Variants in ARL6IP4 observed in about 807,000 individuals in gnomAD.
ARL6IP4 encodes ADP-ribosylation factor-like protein 6-interacting protein 4.
ARL6IP4 carries 24 observed loss-of-function variants against 28.1 expected under a neutral mutation model. That is an observed-to-expected ratio of 0.86 (90% CI 0.62 to 1.20). The LOEUF is 1.20. Among genes scored for constraint, ARL6IP4 ranks in the 50% most tolerant of loss-of-function variants. ARL6IP4 has a pLI of 0.00. For missense variants in ARL6IP4, 343 were observed against 302.4 expected, an observed-to-expected ratio of 1.13 and a Z score of -1.00; for synonymous variants, 162 against 122.3, an observed-to-expected ratio of 1.32 and a Z score of -2.14.
At chr12:122,982,123 C>T (rs1425454153) in intron 4 of ARL6IP4, 49 bp downstream of exon 4, 4 of 1,590,716 alleles carry the variant, frequency 2.5e-6, no homozygotes, top group Non-Finnish European at 2.6e-6. Flanking sequence ...GGAGTGTTGG[C>T]TGAAGATGTG....
chr12:122,982,424 G>A (rs1011784138), intron 4 of ARL6IP4, 45 bp from the exon 5 acceptor site: 4 of 1,551,054 alleles, frequency 2.6e-6, no homozygotes, highest in Non-Finnish European at 3.5e-6. Flanking sequence ...CTGGCATTAG[G>A]GGACCTGCCT....
chr12:122,981,534 G>A (rs1359435370), intron 2 of ARL6IP4, 37 bp from the exon 3 acceptor site: 1 of 1,503,760 alleles, frequency 6.6e-7, no homozygotes, highest in Non-Finnish European at 8.9e-7. Context: ...CCAGAGCAGG[G>A]GACGAAGGTT....
At chr12:122,981,414 G>C in intron 2 of ARL6IP4, 115 bp downstream of exon 2, 1 of 1,409,196 alleles carries the variant, frequency 7.1e-7, no homozygotes, top group Non-Finnish European at 9.4e-7. Flanking sequence ...GAGATGTGAG[G>C]GCCAGGCGCC....
chr12:122,982,611 C>T lies in ARL6IP4; in HGVS notation c.658-9C>T, dbSNP rs1457771646. 1 of 1,614,068 alleles carries T rather than the reference C, an allele frequency of 6.2e-7. No individual in the cohort carries two copies. The highest frequency in any genetic ancestry group is 2.2e-5 in the East Asian group (1 of 44,900). ...ATGTACCCCTCCTCCTGTGTGCTTTCTTCCCCAGCAAGCCACCCGAGGGGA... is the reference window on the plus strand; with the variant it reads ...ATGTACCCCTCCTCCTGTGTGCTTTTTTCCCCAGCAAGCCACCCGAGGGGA... On this transcript the variant is annotated splice_polypyrimidine_tract_variant and intron_variant, in intron 5 of 5. Transcript: ENST00000315580.
At chr12:122,980,664 G>A, upstream of ARL6IP4, 2 of 1,374,814 alleles carry the variant, frequency 1.5e-6, no homozygotes, top group Non-Finnish European at 9.4e-7. Flanking sequence ...CTCCCGCGCA[G>A]CGCCCCGGCC....
chr12:122,980,409 G>A (rs202084070), upstream of ARL6IP4: 291 of 1,368,126 alleles, frequency 2.1e-4, no homozygotes, highest in African/African-American at 4.0e-3. Flanking sequence ...AGGACCAGCC[G>A]GGGAGGAGGG....
intron 2 of ARL6IP4, 84 bp downstream of exon 2, chr12:122,981,383 T>G (rs928348553): frequency 1.4e-6 from 2 of 1,466,746 alleles, no homozygotes; most frequent in African/African-American, 2.8e-5. Flanking sequence ...CGCTCAGTCA[T>G]GCCTCTGTGC....
At chr12:122,981,044 C>A (rs1477842408) in intron 1 of ARL6IP4, 85 bp from the exon 2 acceptor site, 2 of 1,442,516 alleles carry the variant, frequency 1.4e-6, no homozygotes, top group Non-Finnish European at 1.8e-6. Context: ...CGTCGCCAGG[C>A]CCCGGCCCCG....
At chr12:122,981,103 C>T in intron 1 of ARL6IP4, 26 bp from the exon 2 acceptor site, 1 of 1,545,408 alleles carries the variant, frequency 6.5e-7, no homozygotes, top group Non-Finnish European at 8.7e-7. Context: ...GGGGCTTCGG[C>T]TCAAGCGCGT....
rs2037728321 is a variant in ARL6IP4, at chr12:122,982,436, T to C, written c.588-33T>C. 1.9e-6 allele frequency: 3 copies of C among 1,582,418 alleles called. No homozygotes were observed. In the East Asian group the frequency reaches 6.8e-5, roughly 36 times the overall value. ...CCTCTGGCATTAGGGGACCTGCCTA[T>C]TCCTTGCTGAACGGAGACCCTCCCA... On this transcript the variant is annotated intron_variant, in intron 4 of 5. Coordinates refer to ENST00000315580, the MANE Select transcript of ARL6IP4 (RefSeq NM_018694.4).
Position 122,981,316 on chromosome 12 carries a change from T to G in ARL6IP4, c.160+17T>G. 5 of 1,536,138 alleles carry G rather than the reference T, an allele frequency of 3.3e-6. No individual in the cohort carries two copies. Among genetic ancestry groups the G allele is most frequent in the Non-Finnish European group, 4.4e-6 (5 of 1,138,762 alleles). On this transcript the variant is annotated intron_variant, in intron 2 of 5. Coordinates refer to ENST00000315580, the MANE Select transcript of ARL6IP4 (RefSeq NM_018694.4). Reference sequence around the variant, plus strand: ...GGGCGGAGGGTGAGGACCACAGGCATCGGGGAGAGGAGGCGCAGTTACTAC... The same window carrying G: ...GGGCGGAGGGTGAGGACCACAGGCAGCGGGGAGAGGAGGCGCAGTTACTAC...
rs899273344 is a variant in ARL6IP4, at chr12:122,981,000, C to T, written c.-11-129C>T. 4.8e-5 allele frequency: 67 copies of T among 1,404,230 alleles called. No individual in the cohort carries two copies. In the Middle Eastern group the frequency reaches 6.5e-4, roughly 14 times the overall value. The allele number at this position is 1,404,230 out of a possible 1,614,324, so 87.0% of individuals were successfully genotyped here. On this transcript the variant is annotated intron_variant, in intron 1 of 5. Transcript: ENST00000315580. ...CCCAGCGCTGGGGGTGGGTGAGGGT[C>T]GCTCATTTTCCCGGGACGGTGACGG...
In ARL6IP4 at chr12:122,981,613, C is replaced by T. The variant is rs1405305231; in HGVS notation, c.203C>T (p.Ala68Val). The change falls in exon 3 of 6, where the codon GCC becomes GTC. Residue 68 changes from alanine to valine, a missense_variant. Physicochemically the swap from Ala to Val is moderately conservative, Grantham distance 64. Transcript: ENST00000315580. ...PCITERSKQK[A>V]RRRTRSSSSS... ...ATCACAGAGAGAAGCAAGCAGAAGG[C>T]CCGGAGGAGAACAAGATCCAGCTCC... The T allele has an allele frequency of 5.1e-6, 8 of 1,561,764 alleles. No individual in the cohort carries two copies. The South Asian group carries it at 7.0e-5, about 14-fold the overall frequency.
chr12:122,980,459 G>A, upstream of ARL6IP4: 1 of 1,364,972 alleles, frequency 7.3e-7, no homozygotes, highest in Non-Finnish European at 9.4e-7. Flanking sequence ...GGGCACCGGG[G>A]GCGTGGGTGC....
upstream of ARL6IP4, chr12:122,980,454 C>G (rs1315746531): frequency 7.3e-7 from 1 of 1,361,480 alleles, no homozygotes; most frequent in Non-Finnish European, 9.5e-7. Flanking sequence ...TCCCAGGGCA[C>G]CGGGGGCGTG....
At position 122,981,813 on chromosome 12, in the gene ARL6IP4, G is replaced by A; in HGVS notation, c.403G>A (p.Glu135Lys). Residue 135 changes from glutamate to lysine, a missense_variant, in exon 3 of 6, where the codon GAG becomes AAG. Glu to Lys is a moderately conservative substitution (Grantham distance 56). Transcript: ENST00000315580. ...GGAGAAGGCGGAAGCACAGCAGGTG[G>A]AGGCTCTGCCGGGCCCCTCGCTGGA... The part of the protein sequence containing the change: ...GKEKAEAQQV[E>K]ALPGPSLDQW... The A allele has an allele frequency of 6.2e-7, 1 of 1,605,668 alleles. No individual in the cohort carries two copies. The highest frequency in any genetic ancestry group is 8.5e-7 in the Non-Finnish European group (1 of 1,176,182).
upstream of ARL6IP4, chr12:122,980,571 T>C: frequency 2.2e-6 from 3 of 1,370,254 alleles, no homozygotes; most frequent in Non-Finnish European, 2.8e-6. Context: ...CCTGCTTGCC[T>C]CTGCGGGAGG....
Position 122,981,692 on chromosome 12 carries a change from C to T in ARL6IP4, c.282C>T (p.Ser94=), listed in dbSNP as rs773573073. The T allele has an allele frequency of 4.5e-6, 7 of 1,552,734 alleles. No individual in the cohort carries two copies. In the South Asian group the frequency reaches 5.9e-5, roughly 13 times the overall value. The change falls in exon 3 of 6, where the codon TCC becomes TCT. Residue 94 remains serine (S), a synonymous_variant. Transcript: ENST00000315580. ...SSSSSSSSSS[S]SSSSDGRKKR... ...CCTCTTCTTCCTCCTCGTCCTCCTCCTCTTCCTCCAGTGATGGCCGGAAGA... is the reference window on the plus strand; with the variant it reads ...CCTCTTCTTCCTCCTCGTCCTCCTCTTCTTCCTCCAGTGATGGCCGGAAGA...
rs527923613 is a variant in ARL6IP4, at chr12:122,982,363, C to T, written c.588-106C>T. The T allele has an allele frequency of 3.0e-3, 3,433 of 1,135,214 alleles. 13 individuals carry two copies. Among genetic ancestry groups the T allele is most frequent in the Middle Eastern group, 0.026 (113 of 4,276 alleles). The allele number at this position is 1,135,214 out of a possible 1,614,324, so 70.3% of individuals were successfully genotyped here. On this transcript the variant is annotated intron_variant, in intron 4 of 5. Transcript: ENST00000315580. ...CCCAGGGTCTGTCCACTCAAGGCTG[C>T]GGGGTGGGAGCCCTGGGACCCCTCT...
Sources: allele counts gnomAD v4.1 joint callset, GRCh38; gene constraint gnomAD v4.1.1; transcripts MANE v1.5; gene names NCBI Gene and HGNC (gene_info 2026-07-23, HGNC 2026-07-21).